SCFD2: variants seen among roughly 807,000 people sequenced by gnomAD.
The protein encoded by SCFD2 is sec1 family domain containing 2.
SCFD2 carries 54 observed loss-of-function variants against 58.9 expected under a neutral mutation model. The observed-to-expected ratio is 0.92, with a 90% CI of 0.74 to 1.15. The LOEUF is 1.15. SCFD2 is among the 50% of genes most tolerant of loss of function. SCFD2 has a pLI of 0.00. For synonymous variants in SCFD2, 321 were observed against 335.9 expected (o/e 0.96, Z 0.49); for missense variants, 805 against 836.6 (o/e 0.96, Z 0.47).
intron 4 of SCFD2, among the ~76,000 whole-genome samples, chr4:53,255,274 G>A (rs529887443): frequency 1.3e-5 from 2 of 150,738 alleles, no homozygotes; most frequent in East Asian, 3.9e-4. Flanking sequence ...GGAGTTGGCA[G>A]GGTCATAGGA....
rs770349352 is a variant in SCFD2, at chr4:53,012,831, TGTG to T, written c.1562-91964_1562-91962del. On this transcript the variant is annotated intron_variant, in intron 5 of 8. Coordinates refer to ENST00000401642, the MANE Select transcript of SCFD2 (RefSeq NM_152540.4). ...CCTCCTTTCTGTGTGTGTGTGTGTG[TGTG>T]TGTTTTTTTTTAAGAGAGAGAAAGC... Among the ~76,000 whole-genome samples the T allele has an allele frequency of 2.7e-3, 297 of 108,524 alleles. 1 individual carries two copies. Among genetic ancestry groups the T allele is most frequent in the African/African-American group, 9.7e-3 (268 of 27,600 alleles). The allele number at this position is 108,524 out of a possible 152,430, so 71.2% of individuals were successfully genotyped here.
chr4:53,112,272 G>C (rs1302358837), intron 5 of SCFD2, among the ~76,000 whole-genome samples: 1 of 152,032 alleles, frequency 6.6e-6, no homozygotes, highest in Non-Finnish European at 1.5e-5. Context: ...GAAGGAATCA[G>C]GATAAACTGA....
At chr4:53,005,152 GCCC>G (rs772023213) in intron 5 of SCFD2, among the ~76,000 whole-genome samples, 1 of 152,080 alleles carries the variant, frequency 6.6e-6, no homozygotes, top group African/African-American at 2.4e-5. Flanking sequence ...CTCGTCTTTG[GCCC>G]CCTCAAAGTG....
chr4:53,310,220 C>T (rs1732649648), intron 3 of SCFD2, among the ~76,000 whole-genome samples: 1 of 152,072 alleles, frequency 6.6e-6, no homozygotes, highest in Admixed American at 6.6e-5. Flanking sequence ...AATAAAGAAA[C>T]AGAGGCATCA....
At chr4:53,333,238 GA>G (rs1229176467) in intron 2 of SCFD2, among the ~76,000 whole-genome samples, 2 of 146,804 alleles carry the variant, frequency 1.4e-5, no homozygotes, top group African/African-American at 5.1e-5. Context: ...CACAGAATTG[GA>G]AAAAACTACT....
chr4:52,905,968 A>G (rs932047895), intron 7 of SCFD2, among the ~76,000 whole-genome samples: 1 of 152,236 alleles, frequency 6.6e-6, no homozygotes, highest in African/African-American at 2.4e-5. Flanking sequence ...TATTAAAGGC[A>G]CTGTGATGTT....
chr4:53,007,090 G>C (rs1244402071), intron 5 of SCFD2, among the ~76,000 whole-genome samples: 1 of 151,812 alleles, frequency 6.6e-6, no homozygotes, highest in Non-Finnish European at 1.5e-5. Context: ...AGACCAACCT[G>C]GGCAACGTAA....
At chr4:53,221,791 A>G (rs191622974) in intron 4 of SCFD2, among the ~76,000 whole-genome samples, 1 of 152,348 alleles carries the variant, frequency 6.6e-6, no homozygotes, top group Admixed American at 6.5e-5. Context: ...TGGAAGATGG[A>G]GATTAGAAAA....
intron 5 of SCFD2, among the ~76,000 whole-genome samples, chr4:53,074,607 T>C (rs561162826): frequency 6.6e-6 from 1 of 152,328 alleles, no homozygotes; most frequent in Non-Finnish European, 1.5e-5. Context: ...CCTCAATCCA[T>C]GAGCGACAGA....
chr4:53,114,313 A>C (rs1308527089), intron 5 of SCFD2, among the ~76,000 whole-genome samples: 1 of 152,096 alleles, frequency 6.6e-6, no homozygotes, highest in Admixed American at 6.6e-5. Flanking sequence ...TATATCTCCA[A>C]AACAGATGCA....
chr4:53,043,881 T>C (rs542487991), intron 5 of SCFD2, among the ~76,000 whole-genome samples: 1 of 152,334 alleles, frequency 6.6e-6, no homozygotes, highest in South Asian at 2.1e-4. Flanking sequence ...AAATCTCTCT[T>C]ATTTTTTGAC....
At chr4:53,284,923 T>A (rs1484692607) in intron 3 of SCFD2, among the ~76,000 whole-genome samples, 5 of 152,226 alleles carry the variant, frequency 3.3e-5, no homozygotes, top group Non-Finnish European at 1.5e-5. Flanking sequence ...TTCTGGGACA[T>A]CCTTTAAGTA....
At chr4:53,214,217 T>C (rs992307323) in intron 4 of SCFD2, among the ~76,000 whole-genome samples, 3 of 152,174 alleles carry the variant, frequency 2.0e-5, no homozygotes, top group Non-Finnish European at 4.4e-5. Context: ...TCCAGATCCC[T>C]GAGGAATCGC....
At chr4:52,895,890 AT>A (rs1234071207) in intron 7 of SCFD2, among the ~76,000 whole-genome samples, 1 of 152,038 alleles carries the variant, frequency 6.6e-6, no homozygotes, top group African/African-American at 2.4e-5. Flanking sequence ...TGTGGTTTTG[AT>A]TTGCATTTCT....
chr4:53,124,804 C>A (rs6834711), intron 5 of SCFD2, among the ~76,000 whole-genome samples: 147,786 of 152,276 alleles, frequency 0.97, 71,860 homozygotes, highest in East Asian at 1. Context: ...TCATTCCTTC[C>A]TTCAGCACCA....
intron 4 of SCFD2, among the ~76,000 whole-genome samples, chr4:53,253,513 G>A (rs1216476890): frequency 1.3e-5 from 2 of 152,036 alleles, no homozygotes; most frequent in African/African-American, 4.8e-5. Flanking sequence ...TGATAGACTG[G>A]ATTAAGAAAA....
chr4:53,235,306 A>C (rs1456665693), intron 4 of SCFD2, among the ~76,000 whole-genome samples: 8 of 152,252 alleles, frequency 5.3e-5, no homozygotes, highest in African/African-American at 1.7e-4. Flanking sequence ...ACAATGAGAT[A>C]TCTCTCCAGA....
chr4:53,229,430 C>T (rs1473057168), intron 4 of SCFD2, among the ~76,000 whole-genome samples: 3 of 152,108 alleles, frequency 2.0e-5, no homozygotes, highest in Non-Finnish European at 2.9e-5. Flanking sequence ...GAGATATAGA[C>T]CAATGGAACA....
chr4:53,062,067 G>A (rs1723529443), intron 5 of SCFD2, among the ~76,000 whole-genome samples: 1 of 151,610 alleles, frequency 6.6e-6, no homozygotes, highest in African/African-American at 2.4e-5. Flanking sequence ...AACATAATAT[G>A]TAACATAATA....
Sources: allele counts gnomAD v4.1 joint callset (sites outside exome capture counted in the v4.1 genomes callset), GRCh38; gene constraint gnomAD v4.1.1; transcripts MANE v1.5; gene names NCBI Gene and HGNC (gene_info 2026-07-23, HGNC 2026-07-21).